The following PRKN variants were observed in gnomAD, a reference collection of about 807,000 sequenced individuals.
PRKN encodes the protein parkin RBR E3 ubiquitin protein ligase, also known as E3 ubiquitin-protein ligase parkin.
A neutral mutation model predicts 59.5 loss-of-function variants in PRKN; 56 were observed. That is an observed-to-expected ratio of 0.94 (90% CI 0.76 to 1.18). The LOEUF (loss-of-function observed/expected upper bound fraction) is 1.18, where lower values mean the gene tolerates loss of function less well. Among genes scored for constraint, PRKN ranks in the 50% most tolerant of loss-of-function variants. The pLI, the probability that PRKN is intolerant of heterozygous loss-of-function variation, is 0.00. For synonymous variants in PRKN, 250 were observed against 222.1 expected (o/e 1.13, Z -1.12); for missense variants, 657 against 596.4 (o/e 1.10, Z -1.06).
At chr6:162,204,855 T>C (rs13193285) in intron 3 of PRKN, among the ~76,000 whole-genome samples, 47,319 of 147,844 alleles carry the variant, frequency 0.32, 8,561 homozygotes, top group Non-Finnish European at 0.41. Flanking sequence ...CTTCTTCTTC[T>C]TTTTTTTTTT....
intron 1 of PRKN, among the ~76,000 whole-genome samples, chr6:162,720,729 C>T (rs955728114): frequency 3.9e-5 from 6 of 152,078 alleles, no homozygotes; most frequent in Non-Finnish European, 5.9e-5. Flanking sequence ...GGATTACAGG[C>T]GTGAGCCACC....
chr6:162,538,126 C>A lies in PRKN; in HGVS notation c.8-94653G>T, dbSNP rs183649360. 4.0e-3 allele frequency among the ~76,000 whole-genome samples: 612 copies of A among 152,282 alleles called. 1 individual carries two copies. Among genetic ancestry groups the A allele is most frequent in the Non-Finnish European group, 7.2e-3 (492 of 68,024 alleles). The stretch of plus-strand genomic sequence containing the variant: ...AAATACCCAAATACCTCGGCGGGTG[C>A]GGTGGCTCACGCCTGTAATCCCAGC... On this transcript the variant is annotated intron_variant, in intron 1 of 11. Transcript: ENST00000366898.
chr6:162,271,446 G>A (rs1780388838), intron 2 of PRKN: 1 of 151,908 alleles, frequency 6.6e-6, no homozygotes, highest in African/African-American at 2.4e-5. Flanking sequence ...GAGAGGCTGA[G>A]GCAGGAGAAT....
At chr6:162,173,334 G>A (rs1044956181) in intron 4 of PRKN, among the ~76,000 whole-genome samples, 1 of 152,044 alleles carries the variant, frequency 6.6e-6, no homozygotes, top group Non-Finnish European at 1.5e-5. Flanking sequence ...CTAGATTATA[G>A]CACCGAGTAC....
chr6:162,201,253 C>T lies in PRKN; in HGVS notation c.413-1G>A. ...AAGCTGTTGTAGATTGATCTACCTG[C>T]TGGAGAAGAAAAAGCAGAAGAAGTG... is the stretch of plus-strand genomic sequence containing the variant. On this transcript the variant is annotated splice_acceptor_variant, in intron 3 of 11. Transcript: ENST00000366898. LOFTEE classifies it high-confidence loss of function. The T allele has an allele frequency of 1.2e-6, 2 of 1,613,638 alleles. No homozygotes were observed. Among genetic ancestry groups the T allele is most frequent in the South Asian group, 2.2e-5 (2 of 91,070 alleles).
intron 1 of PRKN, among the ~76,000 whole-genome samples, chr6:162,556,401 G>GTCTGTC: frequency 7.6e-6 from 1 of 131,244 alleles, no homozygotes; most frequent in South Asian, 2.7e-4. Context: ...GTGTGTGTGT[G>GTCTGTC]TGTCAGTTTG....
At chr6:161,981,710 C>T (rs1781264134) in intron 5 of PRKN, among the ~76,000 whole-genome samples, 1 of 152,170 alleles carries the variant, frequency 6.6e-6, no homozygotes, top group Non-Finnish European at 1.5e-5. Flanking sequence ...AACCCAGTAA[C>T]TGAATTTATC....
intron 7 of PRKN, among the ~76,000 whole-genome samples, chr6:161,734,815 G>A (rs1364473345): frequency 6.6e-6 from 1 of 152,080 alleles, no homozygotes; most frequent in Non-Finnish European, 1.5e-5. Context: ...ATTTTTCATA[G>A]TTTTACCAAG....
At chr6:162,367,674 A>G (rs1246943415) in intron 2 of PRKN, among the ~76,000 whole-genome samples, 1 of 152,144 alleles carries the variant, frequency 6.6e-6, no homozygotes, top group Non-Finnish European at 1.5e-5. Flanking sequence ...TATTTAAAGT[A>G]CTATTAATCC....
chr6:161,431,761 T>C (rs2115054308), intron 9 of PRKN, among the ~76,000 whole-genome samples: 2 of 151,920 alleles, frequency 1.3e-5, no homozygotes, highest in East Asian at 3.9e-4. Flanking sequence ...TACAGGCGCC[T>C]GCCACCACAC....
Position 162,265,562 on chromosome 6 carries a change from G to A in PRKN, c.172-2797C>T, listed in dbSNP as rs533030628. Among the ~76,000 whole-genome samples, 33 of 152,240 alleles carry A rather than the reference G, an allele frequency of 2.2e-4. 1 individual carries two copies. In the South Asian group the frequency reaches 3.5e-3, roughly 16 times the overall value. ...AAAAATTAGCCGGGCATGGTGGTGC[G>A]TGCCTGTAATCCCAGCTACTCAAGA... On this transcript the variant is annotated intron_variant, in intron 2 of 11. Transcript: ENST00000366898.
chr6:161,975,227 A>G (rs969489856), intron 5 of PRKN, among the ~76,000 whole-genome samples: 1 of 151,602 alleles, frequency 6.6e-6, no homozygotes, highest in African/African-American at 2.4e-5. Flanking sequence ...CTGGGACTAC[A>G]GGTGCCCGCC....
intron 7 of PRKN, among the ~76,000 whole-genome samples, chr6:161,710,123 A>T (rs2128182022): frequency 6.6e-6 from 1 of 152,174 alleles, no homozygotes; most frequent in South Asian, 2.1e-4. Flanking sequence ...CAATTAAAAA[A>T]AAAAACCTAC....
intron 2 of PRKN, among the ~76,000 whole-genome samples, chr6:162,318,018 AAATTTTT>A (rs1486375127): frequency 2.0e-5 from 3 of 151,966 alleles, no homozygotes; most frequent in Non-Finnish European, 4.4e-5. Context: ...CCAACTCCAG[AAATTTTT>A]AATTTTCCCA....
At chr6:161,830,848 C>CA (rs752512484) in intron 6 of PRKN, among the ~76,000 whole-genome samples, 18 of 152,244 alleles carry the variant, frequency 1.2e-4, no homozygotes, top group Non-Finnish European at 2.1e-4. Context: ...GCTTTGTCCG[C>CA]AACCTCCTTC....
In PRKN at chr6:162,213,638, G is replaced by C. The variant is rs576143617; in HGVS notation, c.413-12386C>G. On this transcript the variant is annotated intron_variant, in intron 3 of 11. Transcript: ENST00000366898. The stretch of plus-strand genomic sequence containing the variant: ...CAGCTAGGAATAGCTAGGAGGCTGA[G>C]GTGGGAGAATTGCTTGAGCCTGGGA... Among the ~76,000 whole-genome samples, 133 of 152,146 alleles carry C rather than the reference G, an allele frequency of 8.7e-4. 1 individual carries two copies. The highest frequency in any genetic ancestry group is 1.7e-3 in the Non-Finnish European group (116 of 68,006).
At chr6:161,774,360 C>T (rs557812839) in intron 7 of PRKN, among the ~76,000 whole-genome samples, 1 of 150,422 alleles carries the variant, frequency 6.6e-6, no homozygotes, top group Non-Finnish European at 1.5e-5. Context: ...CTGTTTCCTC[C>T]CCCATCCTTT....
At chr6:162,244,431 C>T (rs1779116355) in intron 3 of PRKN, among the ~76,000 whole-genome samples, 1 of 151,390 alleles carries the variant, frequency 6.6e-6, no homozygotes, top group African/African-American at 2.4e-5. Context: ...CCCAAGTTCA[C>T]AAAATTGTGT....
chr6:161,904,492 T>C (rs1344013042), intron 6 of PRKN, among the ~76,000 whole-genome samples: 3 of 151,912 alleles, frequency 2.0e-5, no homozygotes, highest in Non-Finnish European at 4.4e-5. Flanking sequence ...ATTTTTTGTA[T>C]TTTTAGTAGA....
Sources: gnomAD v4.1 joint callset for allele counts (sites outside exome capture counted in the v4.1 genomes callset) on GRCh38, gnomAD v4.1.1 for gene constraint, MANE v1.5 for transcripts, NCBI Gene and HGNC (gene_info 2026-07-23, HGNC 2026-07-21) for gene names.